The following THOC1 variants were observed in gnomAD, a reference collection of about 807,000 sequenced individuals.
THOC1 encodes the protein THO complex subunit 1.
A neutral mutation model predicts 97.3 loss-of-function variants in THOC1; 29 were observed. The ratio of observed to expected loss-of-function variants is 0.30; its 90% CI spans 0.22 to 0.41. The LOEUF is 0.41. THOC1 is among the 10% of genes least tolerant of loss of function. The pLI is 1.00. For missense variants in THOC1, 529 were observed against 761.9 expected, an observed-to-expected ratio of 0.69 and a Z score of 3.60; for synonymous variants, 255 against 257.0, an observed-to-expected ratio of 0.99 and a Z score of 0.07.
intron 12 of THOC1, chr18:226,336 T>A (rs945443577): frequency 6.4e-6 from 1 of 155,448 alleles, no homozygotes; most frequent in Non-Finnish European, 1.4e-5. Context: ...AGTATTTAGA[T>A]AGACAGTAGA....
chr18:238,985 C>T (rs1482974422), intron 11 of THOC1, among the ~76,000 whole-genome samples: 4 of 152,078 alleles, frequency 2.6e-5, no homozygotes. Context: ...ACTTTTCTAC[C>T]TTTAAAAGGC....
rs560456097 is a variant in THOC1 at position 220,397 on chromosome 18, T to C, written c.1371-1428A>G. ...AAAAATGCTAGTTGAAATTACTAAA[T>C]TGACTTTACAAACCACCAATGATTC... On this transcript the variant is annotated intron_variant, in intron 17 of 20. Transcript: ENST00000261600. Among the ~76,000 whole-genome samples, 18 of 152,304 alleles carry C rather than the reference T, an allele frequency of 1.2e-4. No homozygotes were observed. In the South Asian group the frequency reaches 3.5e-3, roughly 30 times the overall value.
rs766876290 is a variant in THOC1, at chr18:252,577, T to C, written c.639A>G (p.Glu213=). 2 of 1,609,816 alleles carry C rather than the reference T, an allele frequency of 1.2e-6. No individual in the cohort carries two copies. The highest frequency in any genetic ancestry group is 3.4e-5 in the Admixed American group (2 of 58,870). The change falls in exon 9 of 21, where the codon GAA becomes GAG. Residue 213 remains glutamate, a synonymous_variant. Transcript: ENST00000261600. ...CTTCCTCGTCTCCCATTTCGCCTTCTTCTACATCCATTCCTTCTTCTCTAT... is the reference window on the plus strand; with the variant it reads ...CTTCCTCGTCTCCCATTTCGCCTTCCTCTACATCCATTCCTTCTTCTCTAT... The part of the protein sequence containing the change: ...TEDREEGMDV[E]EGEMGDEEAP...
chr18:246,133 C>T (rs1293891552), intron 11 of THOC1, 191 bp downstream of exon 11: 2 of 472,794 alleles, frequency 4.2e-6, no homozygotes, highest in Non-Finnish European at 7.4e-6. Flanking sequence ...CTACTTTCAC[C>T]TTTGAAACCA....
chr18:226,951 G>GA (rs1159078819), intron 11 of THOC1, 50 bp from the exon 12 acceptor site: 2 of 1,414,056 alleles, frequency 1.4e-6, no homozygotes, highest in Non-Finnish European at 1.9e-6. Context: ...TTAAAATCAA[G>GA]TTTTTCCTAA....
intron 17 of THOC1, among the ~76,000 whole-genome samples, chr18:220,300 T>C (rs543899157): frequency 6.6e-6 from 1 of 152,312 alleles, no homozygotes; most frequent in Non-Finnish European, 1.5e-5. Flanking sequence ...TACACACATA[T>C]ATGCAAGTAT....
rs779836882 is a variant in THOC1, at chr18:214,786, T to G, written c.1814A>C (p.Asp605Ala). ...KDSEIRQIEC[D>A]SEDMKMRAKQ... is the part of the protein sequence containing the mutation. ...AGCTCTCATCTTCATGTCTTCACTGTCACACTCAATCTGCCTAATTTCTGA... is the reference window on the plus strand; with the variant it reads ...AGCTCTCATCTTCATGTCTTCACTGGCACACTCAATCTGCCTAATTTCTGA... Residue 605 changes from aspartate to alanine, a missense_variant, in exon 21 of 21, where the codon GAC becomes GCC. Coordinates refer to ENST00000261600, the MANE Select transcript of THOC1 (RefSeq NM_005131.3). The G allele has an allele frequency of 7.4e-6, 12 of 1,613,842 alleles. No homozygotes were observed. The highest frequency in any genetic ancestry group is 1.0e-5 in the Non-Finnish European group (12 of 1,179,884).
chr18:224,732 A>T (rs948415353), intron 15 of THOC1, among the ~76,000 whole-genome samples, 192 bp downstream of exon 15: 1 of 152,224 alleles, frequency 6.6e-6, no homozygotes, highest in Non-Finnish European at 1.5e-5. Context: ...ATGACAAGAA[A>T]TTTATGAGGT....
chr18:239,121 A>G (rs934530880), intron 11 of THOC1, among the ~76,000 whole-genome samples: 4 of 152,250 alleles, frequency 2.6e-5, no homozygotes, highest in African/African-American at 4.8e-5. Flanking sequence ...CAGTGTTTAT[A>G]TATTGGTTTT....
At chr18:220,832 C>G (rs1179653370) in intron 17 of THOC1, among the ~76,000 whole-genome samples, 1 of 151,946 alleles carries the variant, frequency 6.6e-6, no homozygotes, top group Non-Finnish European at 1.5e-5. Flanking sequence ...TTGTTATCTT[C>G]TCTATTGTTT....
chr18:266,768 C>A (rs1196437965), intron 1 of THOC1, among the ~76,000 whole-genome samples: 1 of 152,130 alleles, frequency 6.6e-6, no homozygotes, highest in Non-Finnish European at 1.5e-5. Flanking sequence ...AACTCTTGAC[C>A]TCAGGTGATC....
rs1911253117 is a variant in THOC1 at position 225,600 on chromosome 18, G to C, written c.1020-197C>G. 4 of 562,276 alleles carry C rather than the reference G, an allele frequency of 7.1e-6. No individual in the cohort carries two copies. The South Asian group carries it at 7.2e-5, about 10-fold the overall frequency. 34.8% of individuals were successfully genotyped at this position (562,276 alleles called of 1,614,324 possible). A position where few individuals can be genotyped will look rare whatever the true frequency, so the allele number is the denominator to read the frequency against. On this transcript the variant is annotated intron_variant, in intron 12 of 20. Transcript: ENST00000261600. ...CTTCCTCAAGAGGGTTGGTACTGAAGACATAAAAGCATATGCAGGGAATAA... is the reference window on the plus strand; with the variant it reads ...CTTCCTCAAGAGGGTTGGTACTGAACACATAAAAGCATATGCAGGGAATAA...
In THOC1 at chr18:231,465, A is replaced by G. The variant is rs996897442; in HGVS notation, c.919-4564T>C. On this transcript the variant is annotated intron_variant, in intron 11 of 20. Coordinates refer to ENST00000261600, the MANE Select transcript of THOC1 (RefSeq NM_005131.3). The stretch of plus-strand genomic sequence containing the variant: ...AATACATAAAAAACATGTGCTAGAA[A>G]ATATTCAGAACATTCTCATTAAAAT... 2.6e-5 allele frequency among the ~76,000 whole-genome samples: 4 copies of G among 152,342 alleles called. No homozygotes were observed. The South Asian group carries it at 8.3e-4, about 32-fold the overall frequency.
intron 9 of THOC1, among the ~76,000 whole-genome samples, chr18:252,164 A>G (rs1359973896): frequency 1.3e-5 from 2 of 152,144 alleles, no homozygotes; most frequent in Non-Finnish European, 1.5e-5. Flanking sequence ...AAGGGGAGAG[A>G]AGGAGGAAAG....
rs879900233 is a variant in THOC1, at chr18:234,543, G to GT, written c.919-7643dup. Among the ~76,000 whole-genome samples, 1,446 of 148,080 alleles carry GT rather than the reference G, an allele frequency of 9.8e-3. 14 individuals carry two copies. Among genetic ancestry groups the GT allele is most frequent in the African/African-American group, 0.015 (612 of 40,526 alleles). On this transcript the variant is annotated intron_variant, in intron 11 of 20. Coordinates refer to ENST00000261600, the MANE Select transcript of THOC1 (RefSeq NM_005131.3). ...TACAGATCTTAAAAATCTTTAATCT[G>GT]TTTTTTTTTTGTTTTGTTTTTTCAG...
chr18:218,252 G>C (rs1484904000), intron 18 of THOC1, among the ~76,000 whole-genome samples: 1 of 152,154 alleles, frequency 6.6e-6, no homozygotes, highest in African/African-American at 2.4e-5. Context: ...AATTAAATTA[G>C]CCTTAGTTGC....
intron 17 of THOC1, among the ~76,000 whole-genome samples, chr18:222,562 T>C (rs1911128861): frequency 6.6e-6 from 1 of 152,186 alleles, no homozygotes; most frequent in African/African-American, 2.4e-5. Flanking sequence ...TAAGAATTAC[T>C]GGATTAATGA....
At chr18:226,732 A>G in intron 12 of THOC1, 69 bp downstream of exon 12, 1 of 1,206,510 alleles carries the variant, frequency 8.3e-7, no homozygotes, top group African/African-American at 1.5e-5. Context: ...TACATAAGAA[A>G]AATCGTAAGC....
chr18:221,606 C>CTTTTT (rs369952039), intron 17 of THOC1, among the ~76,000 whole-genome samples: 19 of 110,924 alleles, frequency 1.7e-4, no homozygotes, highest in African/African-American at 4.7e-4. Flanking sequence ...ATAGATGGAT[C>CTTTTT]TTTTTTTTTT....
Sources: gnomAD v4.1 joint callset for allele counts (sites outside exome capture counted in the v4.1 genomes callset) on GRCh38, gnomAD v4.1.1 for gene constraint, MANE v1.5 for transcripts, NCBI Gene and HGNC (gene_info 2026-07-23, HGNC 2026-07-21) for gene names.